The following GRM5 variants were observed in gnomAD, a reference collection of about 807,000 sequenced individuals.
GRM5 encodes the protein metabotropic glutamate receptor 5.
A neutral mutation model predicts 83.1 loss-of-function variants in GRM5; 19 were observed. The ratio of observed to expected loss-of-function variants is 0.23; its 90% confidence interval spans 0.16 to 0.34. The LOEUF is 0.34. Among genes scored for constraint, GRM5 ranks in the 10% least tolerant of loss-of-function variants. The pLI is 1.00. For missense variants in GRM5, 1,160 were observed against 1,588.3 expected, an observed-to-expected ratio of 0.73 and a Z score of 4.58; for synonymous variants, 675 against 633.6, an observed-to-expected ratio of 1.07 and a Z score of -0.98.
At chr11:88,512,630 T>C (rs1275975844) in intron 9 of GRM5, among the ~76,000 whole-genome samples, 1 of 152,178 alleles carries the variant, frequency 6.6e-6, no homozygotes. Context: ...AAAATCCGGT[T>C]CTTATTCTGG....
chr11:88,906,221 CA>C, intron 2 of GRM5, among the ~76,000 whole-genome samples: 1 of 152,254 alleles, frequency 6.6e-6, no homozygotes, highest in East Asian at 1.9e-4. Flanking sequence ...TTGTTTCTGT[CA>C]CTGGGGAGTT....
At chr11:88,984,543 A>T (rs1939634872) in intron 2 of GRM5, among the ~76,000 whole-genome samples, 1 of 152,170 alleles carries the variant, frequency 6.6e-6, no homozygotes, top group Admixed American at 6.5e-5. Flanking sequence ...GTGACATATG[A>T]CTATAAATGT....
chr11:88,653,468 C>T (rs1042642022), intron 3 of GRM5, 65 bp from the exon 4 acceptor site: 9 of 1,102,722 alleles, frequency 8.2e-6, no homozygotes, highest in Non-Finnish European at 1.2e-5. Flanking sequence ...AGTCCATTTG[C>T]TTTCCTTTTG....
At position 88,924,588 on chromosome 11, in the gene GRM5, G is replaced by A. The variant is rs1945754469; in HGVS notation, c.662-74433C>T. Among the ~76,000 whole-genome samples, 3 of 151,928 alleles carry A rather than the reference G, an allele frequency of 2.0e-5. No homozygotes were observed. The South Asian group carries it at 6.2e-4, about 32-fold the overall frequency. The stretch of plus-strand genomic sequence containing the variant: ...TACTGCATGATCTCACTTACATGTC[G>A]ATTGTAAGAAATAGTCAAATATATG... On this transcript the variant is annotated intron_variant, in intron 2 of 9. Transcript: ENST00000305447.
At chr11:88,976,273 A>T (rs1939331536) in intron 2 of GRM5, among the ~76,000 whole-genome samples, 1 of 152,176 alleles carries the variant, frequency 6.6e-6, no homozygotes, top group Admixed American at 6.5e-5. Flanking sequence ...ATTGTGACCA[A>T]GTTGGAGAGA....
rs568002855 is a variant in GRM5, at chr11:89,032,687, T to C, written c.661+14525A>G. On this transcript the variant is annotated intron_variant, in intron 2 of 9. Transcript: ENST00000305447. ...TAATCATCCCTTTTTTGAAATGTGG[T>C]AATTTAGGCATAGGGAACTTGCCTC... Among the ~76,000 whole-genome samples, 21 of 152,208 alleles carry C rather than the reference T, an allele frequency of 1.4e-4. No individual in the cohort carries two copies. The South Asian group carries it at 3.5e-3, about 26-fold the overall frequency.
rs7122897 is a variant in GRM5, at chr11:88,814,289, G to T, written c.911+35617C>A. Among the ~76,000 whole-genome samples the T allele has an allele frequency of 5.5e-3, 841 of 152,276 alleles. 7 individuals are homozygous for T. The highest frequency in any genetic ancestry group is 0.02 in the African/African-American group (815 of 41,542). ...GCAACAGGAGTCTGAGGACACAAAG[G>T]CTTCTAACATCTACAAGATAGAGGA... On this transcript the variant is annotated intron_variant, in intron 3 of 9. Coordinates refer to ENST00000305447, the MANE Select transcript of GRM5 (RefSeq NM_001143831.3).
At chr11:88,873,423 G>A (rs4390344) in intron 2 of GRM5, among the ~76,000 whole-genome samples, 18,242 of 151,478 alleles carry the variant, frequency 0.12, 1,842 homozygotes, top group East Asian at 0.27. Context: ...TTTCTCAGCA[G>A]CACATGGAAC....
At chr11:88,585,488 C>T (rs1487468239) in intron 7 of GRM5, among the ~76,000 whole-genome samples, 1 of 152,146 alleles carries the variant, frequency 6.6e-6, no homozygotes, top group Admixed American at 6.5e-5. Flanking sequence ...CCATAGTTTA[C>T]CAGGCTCCCC....
chr11:89,021,395 T>C (rs11018430), intron 2 of GRM5, among the ~76,000 whole-genome samples: 12,931 of 152,206 alleles, frequency 0.085, 1,327 homozygotes, highest in African/African-American at 0.24. Flanking sequence ...GGATAACTGC[T>C]TCCTTAATCC....
At chr11:88,959,104 T>C (rs570121937) in intron 2 of GRM5, among the ~76,000 whole-genome samples, 1 of 152,214 alleles carries the variant, frequency 6.6e-6, no homozygotes, top group East Asian at 1.9e-4. Context: ...TATATAAAAA[T>C]AGTTTTGACC....
chr11:88,750,801 G>T (rs1307746946), intron 3 of GRM5, among the ~76,000 whole-genome samples: 1 of 151,990 alleles, frequency 6.6e-6, no homozygotes, highest in Non-Finnish European at 1.5e-5. Flanking sequence ...CATGAAAATT[G>T]AACAACCTCT....
chr11:89,065,308 A>C (rs1426913868), intron 1 of GRM5, among the ~76,000 whole-genome samples: 2 of 126,090 alleles, frequency 1.6e-5, no homozygotes, highest in African/African-American at 5.2e-5. Flanking sequence ...ACACACACAC[A>C]CACAGACAGA....
intron 3 of GRM5, among the ~76,000 whole-genome samples, chr11:88,755,873 G>A (rs1942384499): frequency 6.6e-6 from 1 of 152,118 alleles, no homozygotes; most frequent in Non-Finnish European, 1.5e-5. Context: ...GGAAATGGAT[G>A]CCAAAAGTAG....
At chr11:88,924,369 G>C (rs182041225) in intron 2 of GRM5, among the ~76,000 whole-genome samples, 6 of 152,176 alleles carry the variant, frequency 3.9e-5, no homozygotes, top group African/African-American at 1.2e-4. Context: ...GTTTATTGCA[G>C]CATCATGCAC....
intron 2 of GRM5, among the ~76,000 whole-genome samples, chr11:89,003,300 C>T (rs569300855): frequency 8.9e-4 from 136 of 152,008 alleles, no homozygotes; most frequent in Non-Finnish European, 1.5e-3. Context: ...GATATAGTGC[C>T]GGGCTTCTTG....
At chr11:88,609,253 T>A (rs1938251680) in intron 4 of GRM5, among the ~76,000 whole-genome samples, 1 of 152,196 alleles carries the variant, frequency 6.6e-6, no homozygotes, top group South Asian at 2.1e-4. Flanking sequence ...AGTTTTTGGT[T>A]TTCTATTCCT....
At chr11:89,065,415 T>C (rs1942081629) in intron 1 of GRM5, among the ~76,000 whole-genome samples, 1 of 151,446 alleles carries the variant, frequency 6.6e-6, no homozygotes, top group South Asian at 2.1e-4. Context: ...TTTTTTTAGT[T>C]CGTTTTCTAT....
chr11:88,533,100 A>G (rs759357822), intron 8 of GRM5, among the ~76,000 whole-genome samples: 8 of 152,204 alleles, frequency 5.3e-5, no homozygotes, highest in African/African-American at 9.6e-5. Context: ...ATCTTTTCAT[A>G]TCATTCATCT....
Sources: gnomAD v4.1 joint callset for allele counts (sites outside exome capture counted in the v4.1 genomes callset) on GRCh38, gnomAD v4.1.1 for gene constraint, MANE v1.5 for transcripts, NCBI Gene and HGNC (gene_info 2026-07-23, HGNC 2026-07-21) for gene names.